Variants in GSG1L observed in about 807,000 individuals in gnomAD.
GSG1L encodes the protein GSG1 like.
Under a neutral mutation model 42.1 loss-of-function variants are expected in GSG1L, and 24 were observed. The observed-to-expected ratio is 0.57, with a 90% CI of 0.41 to 0.80. GSG1L has a LOEUF of 0.80. Among genes scored for constraint, GSG1L ranks in the 30% least tolerant of loss-of-function variants. The pLI, the probability that GSG1L is intolerant of heterozygous loss-of-function variation, is 0.00. For synonymous variants in GSG1L, 215 were observed against 203.5 expected (o/e 1.06, Z -0.48); for missense variants, 445 against 472.2 (o/e 0.94, Z 0.53).
At chr16:27,966,660 C>A (rs2085137900) in intron 1 of GSG1L, among the ~76,000 whole-genome samples, 1 of 152,186 alleles carries the variant, frequency 6.6e-6, no homozygotes, top group Non-Finnish European at 1.5e-5. Flanking sequence ...ATGCCACGGA[C>A]ACAGACCTGG....
rs1367799777 is a variant in GSG1L at position 27,910,355 on chromosome 16, G to C, written c.398-25717C>G. Among the ~76,000 whole-genome samples the C allele has an allele frequency of 4.6e-5, 7 of 152,140 alleles. No homozygotes were observed. The South Asian group carries it at 1.0e-3, about 23-fold the overall frequency. ...GAGAAATACTATAACTAATAAGAAAGAGTATTTATAAAGTACTTACTATAC... is the reference window on the plus strand; with the variant it reads ...GAGAAATACTATAACTAATAAGAAACAGTATTTATAAAGTACTTACTATAC... On this transcript the variant is annotated intron_variant, in intron 2 of 6. Coordinates refer to ENST00000447459, the MANE Select transcript of GSG1L (RefSeq NM_001109763.2).
At chr16:27,900,037 T>C (rs2084238341) in intron 2 of GSG1L, among the ~76,000 whole-genome samples, 1 of 152,156 alleles carries the variant, frequency 6.6e-6, no homozygotes, top group Non-Finnish European at 1.5e-5. Context: ...CTGATGGTAC[T>C]CCAACTCAGT....
At chr16:27,854,592 G>C (rs1484723538) in intron 3 of GSG1L, among the ~76,000 whole-genome samples, 1 of 152,158 alleles carries the variant, frequency 6.6e-6, no homozygotes, top group Non-Finnish European at 1.5e-5. Context: ...GACACAGCCA[G>C]CACATCCTCG....
At chr16:28,045,277 G>A (rs2086148649) in intron 1 of GSG1L, among the ~76,000 whole-genome samples, 1 of 152,208 alleles carries the variant, frequency 6.6e-6, no homozygotes. Context: ...CACTCTGGTG[G>A]GAGATGTTGA....
intron 1 of GSG1L, among the ~76,000 whole-genome samples, chr16:27,971,203 G>C (rs1399075747): frequency 6.6e-6 from 1 of 152,166 alleles, no homozygotes. Flanking sequence ...TTTTGAAAGG[G>C]ATTGCACTGA....
At chr16:27,961,263 C>T (rs897558140) in intron 2 of GSG1L, among the ~76,000 whole-genome samples, 4 of 152,244 alleles carry the variant, frequency 2.6e-5, no homozygotes, top group Non-Finnish European at 5.9e-5. Context: ...CACACTCACC[C>T]TTACCCGGGA....
intron 1 of GSG1L, among the ~76,000 whole-genome samples, chr16:27,992,854 A>G (rs934494840): frequency 1.3e-5 from 2 of 152,200 alleles, no homozygotes; most frequent in Non-Finnish European, 2.9e-5. Context: ...ATCATGAGTC[A>G]GATATTAAGC....
chr16:27,947,577 GAAAGAAAGAAAGAAAGAAAGAAAA>G (rs1360905688), intron 2 of GSG1L, among the ~76,000 whole-genome samples: 4 of 118,492 alleles, frequency 3.4e-5, no homozygotes, highest in African/African-American at 9.8e-5. Flanking sequence ...AAGAAAGAAA[GAAAGAAAGAAAGAAAGAAAGAAAA>G]AGAAAGAAAG....
At chr16:28,057,940 C>A (rs2086297305) in intron 1 of GSG1L, among the ~76,000 whole-genome samples, 2 of 152,192 alleles carry the variant, frequency 1.3e-5, no homozygotes, top group Admixed American at 1.3e-4. Context: ...CCACACAAAA[C>A]ACTCAACAAA....
At chr16:27,972,347 C>T (rs370846691) in intron 1 of GSG1L, among the ~76,000 whole-genome samples, 20 of 152,364 alleles carry the variant, frequency 1.3e-4, no homozygotes, top group African/African-American at 4.6e-4. Flanking sequence ...AGAAGTCTAA[C>T]AGCTGAAATT....
intron 2 of GSG1L, among the ~76,000 whole-genome samples, chr16:27,915,080 T>C (rs2084437038): frequency 6.6e-6 from 1 of 151,914 alleles, no homozygotes; most frequent in Non-Finnish European, 1.5e-5. Context: ...ACCGTAGATA[T>C]CACTAAGCCG....
chr16:28,010,258 A>C (rs1327688019), intron 1 of GSG1L, among the ~76,000 whole-genome samples: 1 of 152,068 alleles, frequency 6.6e-6, no homozygotes, highest in Non-Finnish European at 1.5e-5. Flanking sequence ...CTCTATGGAA[A>C]CCCAAGAAGG....
At chr16:27,999,810 T>C (rs1038087798) in intron 1 of GSG1L, among the ~76,000 whole-genome samples, 1 of 152,210 alleles carries the variant, frequency 6.6e-6, no homozygotes, top group Non-Finnish European at 1.5e-5. Flanking sequence ...GCTCCTTTTA[T>C]GGTGTAGCTG....
chr16:28,063,705 G>C lies in GSG1L; in HGVS notation c.-281C>G, dbSNP rs2086374478. 6.6e-6 allele frequency among the ~76,000 whole-genome samples: 1 copy of C among 150,492 alleles called. No individual in the cohort carries two copies. The highest frequency in any genetic ancestry group is 2.4e-5 in the African/African-American group (1 of 41,156). ...CGCGAGTGCACCTCGGCTAGGAGCC[G>C]CTGGCGCCTGGCAGCGGCCACGGCG... On this transcript the variant is annotated 5_prime_UTR_variant, in exon 1 of 7. Transcript: ENST00000447459. The surrounding 1 kb of genome is among the most constrained non-coding windows in gnomAD (Gnocchi z 5.8).
At position 27,888,436 on chromosome 16, in the gene GSG1L, CTT is replaced by C. The variant is rs775312229; in HGVS notation, c.398-3800_398-3799del. Among the ~76,000 whole-genome samples the C allele has an allele frequency of 1.5e-3, 35 of 22,910 alleles. 1 individual carries two copies. Among genetic ancestry groups the C allele is most frequent in the Non-Finnish European group, 4.8e-3 (33 of 6,824 alleles). 15.0% of individuals were successfully genotyped at this position (22,910 alleles called of 152,430 possible). A position where few individuals can be genotyped will look rare whatever the true frequency, so the allele number is the denominator to read the frequency against. On this transcript the variant is annotated intron_variant, in intron 2 of 6. Transcript: ENST00000447459. ...TCTTTCTTTCTTTCTTTCTTTCTTT[CTT>C]TCTTTCTTTCTTTCTTTCTTTCTTT...
chr16:27,891,724 C>T (rs2084128619), intron 2 of GSG1L, among the ~76,000 whole-genome samples: 1 of 152,036 alleles, frequency 6.6e-6, no homozygotes, highest in Admixed American at 6.6e-5. Context: ...CCTCCTGCCT[C>T]AGCCTCCCAA....
At chr16:27,963,479 C>G (rs1030060990) in intron 1 of GSG1L, among the ~76,000 whole-genome samples, 4 of 152,154 alleles carry the variant, frequency 2.6e-5, no homozygotes, top group African/African-American at 9.7e-5. Flanking sequence ...CCCCCAGAAT[C>G]CACGCTCCTC....
chr16:27,960,578 G>A (rs2085058481), intron 2 of GSG1L, among the ~76,000 whole-genome samples: 1 of 152,166 alleles, frequency 6.6e-6, no homozygotes, highest in African/African-American at 2.4e-5. Flanking sequence ...AGTGCGGCTG[G>A]GAACAAGTCC....
intron 2 of GSG1L, among the ~76,000 whole-genome samples, chr16:27,931,386 T>C (rs1273111768): frequency 1.3e-5 from 2 of 152,144 alleles, no homozygotes; most frequent in African/African-American, 4.8e-5. Flanking sequence ...CCCACTGGCC[T>C]TTCTCCTCAT....
Sources: gnomAD v4.1 joint callset for allele counts (sites outside exome capture counted in the v4.1 genomes callset) on GRCh38, gnomAD v4.1.1 for gene constraint, Gnocchi (gnomAD v3.1) non-coding constraint, MANE v1.5 for transcripts, NCBI Gene and HGNC (gene_info 2026-07-23, HGNC 2026-07-21) for gene names.